Variants in MAP3K20 observed in about 807,000 individuals in gnomAD.
MAP3K20 encodes the protein mitogen-activated protein kinase kinase kinase 20, also known as HCCS-4.
MAP3K20 carries 40 observed loss-of-function variants against 85.7 expected under a neutral mutation model. That is an observed-to-expected ratio of 0.47 (90% CI 0.36 to 0.61). The LOEUF is 0.61. MAP3K20 is among the 20% of genes least tolerant of loss of function. The probability of loss-of-function intolerance (pLI) is 0.00; values close to 1 mark genes in which losing one functional copy is unlikely to be tolerated. For synonymous variants in MAP3K20, 325 were observed against 327.7 expected, an observed-to-expected ratio of 0.99 and a Z score of 0.09; for missense variants, 817 against 961.7, an observed-to-expected ratio of 0.85 and a Z score of 1.99.
rs758415634 is a variant in MAP3K20, at chr2:173,217,262, C to T, written c.987+12C>T. The T allele has an allele frequency of 8.5e-6, 13 of 1,534,346 alleles. No individual in the cohort carries two copies. The highest frequency in any genetic ancestry group is 2.4e-5 in the East Asian group (1 of 42,252). On this transcript the variant is annotated intron_variant, in intron 11 of 19. Transcript: ENST00000375213. The stretch of plus-strand genomic sequence containing the variant: ...AGTCCAACACCCCGGTGAGTACCCT[C>T]CCCCTTCGCCGTCTTTCCACATGCG...
intron 2 of MAP3K20, among the ~76,000 whole-genome samples, chr2:173,105,656 C>G (rs939116750): frequency 2.3e-4 from 35 of 152,088 alleles, no homozygotes; most frequent in African/African-American, 6.8e-4. Flanking sequence ...ATAGGCCTAA[C>G]ACAAAAGGAC....
chr2:173,210,468 C>CTGTT (rs1201781977), intron 10 of MAP3K20: 2 of 152,392 alleles, frequency 1.3e-5, no homozygotes, highest in African/African-American at 4.8e-5. Context: ...AACAAGAATA[C>CTGTT]TGTTTACCTT....
intron 2 of MAP3K20, among the ~76,000 whole-genome samples, chr2:173,108,199 G>A (rs1005212880): frequency 3.3e-5 from 5 of 151,230 alleles, no homozygotes; most frequent in South Asian, 2.1e-4. Context: ...GTGCAATGGC[G>A]TGATCTCACC....
At chr2:173,101,495 A>G (rs1687637637) in intron 2 of MAP3K20, among the ~76,000 whole-genome samples, 1 of 152,216 alleles carries the variant, frequency 6.6e-6, no homozygotes. Flanking sequence ...CCATGCTGGA[A>G]ATATTATGCT....
rs1346672156 is a variant in MAP3K20, at chr2:173,209,778, A to G, written c.794A>G (p.Asn265Ser). Reference sequence around the variant, plus strand: ...ATTTCAATCCTGGAGTCCATGTCAAATGACACGAGCCTTCCTGACAAGTGT... The same window carrying G: ...ATTTCAATCCTGGAGTCCATGTCAAGTGACACGAGCCTTCCTGACAAGTGT... ...QIISILESMS[N>S]DTSLPDKCNS... The change falls in exon 10 of 20, where the codon AAT becomes AGT. Residue 265 changes from asparagine to serine, a missense_variant. This residue lies in a region of MAP3K20 where 158 missense variants were observed against 162.0 expected (regional missense o/e 0.98). Transcript: ENST00000375213. 1 of 1,613,890 alleles carries G rather than the reference A, an allele frequency of 6.2e-7. No homozygotes were observed. The highest frequency in any genetic ancestry group is 8.5e-7 in the Non-Finnish European group (1 of 1,179,924).
At chr2:173,213,015 A>C (rs1559282186) in intron 10 of MAP3K20, among the ~76,000 whole-genome samples, 1 of 152,074 alleles carries the variant, frequency 6.6e-6, no homozygotes, top group Non-Finnish European at 1.5e-5. Context: ...TAGACCCTAC[A>C]GTCTAGTTTG....
intron 2 of MAP3K20, among the ~76,000 whole-genome samples, chr2:173,144,462 CAAAA>C (rs71018537): frequency 3.2e-5 from 3 of 92,874 alleles, no homozygotes; most frequent in Admixed American, 1.4e-4. Context: ...GACTCCGTCT[CAAAA>C]AAAAAAAAAA....
At chr2:173,134,415 TATATATATATA>T (rs1395352005) in intron 2 of MAP3K20, among the ~76,000 whole-genome samples, 6 of 16,424 alleles carry the variant, frequency 3.7e-4, no homozygotes, top group South Asian at 1.6e-3. Context: ...TATATATATA[TATATATATATA>T]TATTTTTTTT....
intron 3 of MAP3K20, among the ~76,000 whole-genome samples, chr2:173,180,193 A>AC (rs1307583456): frequency 3.4e-4 from 51 of 152,190 alleles, no homozygotes; most frequent in Non-Finnish European, 6.2e-4. Flanking sequence ...TTGAGGACTT[A>AC]GACTGCCTCA....
chr2:173,174,355 A>G (rs1690093010), intron 3 of MAP3K20, among the ~76,000 whole-genome samples: 1 of 152,058 alleles, frequency 6.6e-6, no homozygotes, highest in African/African-American at 2.4e-5. Flanking sequence ...CTCCCCTAGC[A>G]TTAAATAAAC....
At chr2:173,114,205 C>T (rs560625873) in intron 2 of MAP3K20, among the ~76,000 whole-genome samples, 6 of 152,252 alleles carry the variant, frequency 3.9e-5, no homozygotes, top group Non-Finnish European at 4.4e-5. Context: ...ATTAGAATAG[C>T]TACCCCTGCT....
At chr2:173,154,023 T>A (rs1329624437) in intron 2 of MAP3K20, among the ~76,000 whole-genome samples, 1 of 151,922 alleles carries the variant, frequency 6.6e-6, no homozygotes, top group East Asian at 1.9e-4. Context: ...CCACCGAAAT[T>A]TGACATAAAT....
chr2:173,080,541 C>T (rs2106134076), intron 1 of MAP3K20, among the ~76,000 whole-genome samples: 1 of 152,332 alleles, frequency 6.6e-6, no homozygotes, highest in East Asian at 1.9e-4. Flanking sequence ...AAGTGAACTC[C>T]TGAGATAATT....
intron 2 of MAP3K20, among the ~76,000 whole-genome samples, chr2:173,102,709 C>G (rs1304367385): frequency 6.6e-6 from 1 of 152,118 alleles, no homozygotes; most frequent in South Asian, 2.1e-4. Flanking sequence ...AGATTGTATT[C>G]AGCAAGTAAT....
intron 14 of MAP3K20, 63 bp downstream of exon 14, chr2:173,232,522 G>C: frequency 1.3e-6 from 2 of 1,589,168 alleles, no homozygotes. Context: ...GGTTTTTTTT[G>C]AGGCAGAGTC....
chr2:173,135,351 G>A (rs557771733), intron 2 of MAP3K20, among the ~76,000 whole-genome samples: 1 of 152,276 alleles, frequency 6.6e-6, no homozygotes, highest in African/African-American at 2.4e-5. Flanking sequence ...GTTAAAAGGT[G>A]CAATAAGAAT....
intron 2 of MAP3K20, among the ~76,000 whole-genome samples, chr2:173,127,486 G>A (rs568721236): frequency 5.3e-5 from 8 of 152,264 alleles, no homozygotes; most frequent in South Asian, 2.1e-4. Context: ...CAACAAGCAC[G>A]TTTTCATTTT....
chr2:173,160,138 G>A (rs892666679), intron 2 of MAP3K20: 1 of 152,110 alleles, frequency 6.6e-6, no homozygotes, highest in Non-Finnish European at 1.5e-5. Flanking sequence ...TCTATTATGG[G>A]TTTGAATTCA....
At chr2:173,096,559 C>G (rs1419879182) in intron 2 of MAP3K20, among the ~76,000 whole-genome samples, 4 of 152,092 alleles carry the variant, frequency 2.6e-5, no homozygotes, top group Admixed American at 2.6e-4. Context: ...AGGATGGTCT[C>G]GATCTCCTGA....
Sources: gnomAD v4.1 joint callset for allele counts (sites outside exome capture counted in the v4.1 genomes callset) on GRCh38, gnomAD v4.1.1 for gene constraint, gnomAD v4.1.1 regional missense constraint, MANE v1.5 for transcripts, NCBI Gene and HGNC (gene_info 2026-07-23, HGNC 2026-07-21) for gene names.